Variants in ACLY observed in about 807,000 individuals in gnomAD.
ACLY encodes the protein ATP citrate lyase.
A neutral mutation model predicts 133.0 loss-of-function variants in ACLY; 41 were observed. The observed-to-expected ratio is 0.31, with a 90% CI of 0.24 to 0.40. ACLY has a LOEUF of 0.40. Among genes scored for constraint, ACLY ranks in the 10% least tolerant of loss-of-function variants. The probability of loss-of-function intolerance (pLI) is 1.00; values close to 1 mark genes in which losing one functional copy is unlikely to be tolerated. For missense variants in ACLY, 1,046 were observed against 1,453.8 expected, an observed-to-expected ratio of 0.72 and a Z score of 4.56; for synonymous variants, 495 against 549.3, an observed-to-expected ratio of 0.90 and a Z score of 1.38.
chr17:41,879,340 A>G, intron 20 of ACLY, among the ~76,000 whole-genome samples: 1 of 150,710 alleles, frequency 6.6e-6, no homozygotes, highest in East Asian at 2.0e-4. Flanking sequence ...TCCTAACCTC[A>G]GGTGATCCAC....
intron 1 of ACLY, among the ~76,000 whole-genome samples, chr17:41,917,884 TCA>T (rs2050093672): frequency 6.6e-6 from 1 of 152,084 alleles, no homozygotes; most frequent in Non-Finnish European, 1.5e-5. Context: ...CAGCTGTCCC[TCA>T]CCCCACATTT....
At chr17:41,884,358 T>G in intron 18 of ACLY, 84 bp from the exon 19 acceptor site, 1 of 871,610 alleles carries the variant, frequency 1.1e-6, no homozygotes, top group Non-Finnish European at 1.9e-6. Flanking sequence ...ACACTTGTAC[T>G]GGGTACACTG....
intron 7 of ACLY, 121 bp downstream of exon 7, chr17:41,907,321 T>C: frequency 1.3e-6 from 1 of 746,206 alleles, no homozygotes; most frequent in Non-Finnish European, 2.1e-6. Context: ...TAAATGCTTC[T>C]CAGTCTTCCT....
intron 14 of ACLY, among the ~76,000 whole-genome samples, chr17:41,893,941 T>A (rs1367098951): frequency 6.6e-6 from 1 of 152,102 alleles, no homozygotes; most frequent in Non-Finnish European, 1.5e-5. Context: ...AGGTCAGGTG[T>A]GGTGGCTCAC....
At chr17:41,877,068 T>A (rs2048779722) in intron 22 of ACLY, among the ~76,000 whole-genome samples, 2 of 152,172 alleles carry the variant, frequency 1.3e-5, no homozygotes, top group Admixed American at 1.3e-4. Flanking sequence ...AATTATCCTC[T>A]ATGAATTTTT....
At chr17:41,915,207 T>C (rs1366258310) in intron 1 of ACLY, among the ~76,000 whole-genome samples, 1 of 152,036 alleles carries the variant, frequency 6.6e-6, no homozygotes, top group East Asian at 1.9e-4. Flanking sequence ...CATTCTCCTG[T>C]GGGTAACTCA....
intron 21 of ACLY, among the ~76,000 whole-genome samples, 188 bp from the exon 22 acceptor site, chr17:41,878,384 C>A (rs942841801): frequency 6.6e-6 from 1 of 152,136 alleles, no homozygotes; most frequent in Non-Finnish European, 1.5e-5. Context: ...CTCCCTACTA[C>A]CTCATGTCCC....
chr17:41,916,378 G>T (rs902959016), intron 1 of ACLY, among the ~76,000 whole-genome samples: 42 of 141,164 alleles, frequency 3.0e-4, no homozygotes, highest in South Asian at 6.9e-4. Context: ...GTTTTGTTTT[G>T]TTTTTTTTTT....
At chr17:41,894,610 C>T (rs576256038) in intron 14 of ACLY, among the ~76,000 whole-genome samples, 3 of 151,276 alleles carry the variant, frequency 2.0e-5, no homozygotes, top group African/African-American at 4.9e-5. Flanking sequence ...ACGCATTGCA[C>T]GCCTGTACCA....
rs782719940 is a variant in ACLY, at chr17:41,901,821, C to A, written c.1066-8G>T. On this transcript the variant is annotated splice_region_variant and splice_polypyrimidine_tract_variant and intron_variant, in intron 10 of 28. Transcript: ENST00000352035. ...AATTGCTCTCACGATGCCCTGGAAG[C>A]CCAAAGTGACATGTGACTAAAAACA... 6.4e-7 allele frequency: 1 copy of A among 1,552,342 alleles called. No individual in the cohort carries two copies. The highest frequency in any genetic ancestry group is 8.7e-7 in the Non-Finnish European group (1 of 1,145,402).
chr17:41,894,216 CAAAAA>C (rs58375126), intron 14 of ACLY, among the ~76,000 whole-genome samples: 1 of 102,684 alleles, frequency 9.7e-6, no homozygotes. Flanking sequence ...GACTCCATCT[CAAAAA>C]AAAAAAAAAA....
Position 41,869,530 on chromosome 17 carries a change from G to A in ACLY, c.2995C>T (p.Pro999Ser). ...ILKDYVRQHF[P>S]ATPLLDYALE... Reference sequence around the variant, plus strand: ...GCATAATCGAGCAGAGGAGTGGCAGGGAAGTGCTGCCTGACGTAATCTTTG... The same window carrying A: ...GCATAATCGAGCAGAGGAGTGGCAGAGAAGTGCTGCCTGACGTAATCTTTG... Residue 999 changes from proline (P) to serine (S), a missense_variant, in exon 26 of 29, where the codon CCT (proline) becomes TCT (serine). Coordinates refer to ENST00000352035, the MANE Select transcript of ACLY (RefSeq NM_001096.3). 1.2e-6 allele frequency: 2 copies of A among 1,614,142 alleles called. No homozygotes were observed. The highest frequency in any genetic ancestry group is 1.7e-6 in the Non-Finnish European group (2 of 1,180,032).
chr17:41,901,861 CAAT>C (rs782491783), intron 10 of ACLY, 48 bp from the exon 11 acceptor site: 2 of 1,400,266 alleles, frequency 1.4e-6, no homozygotes, highest in African/African-American at 2.9e-5. Flanking sequence ...AGCCACAAGT[CAAT>C]GATTTATAAC....
At position 41,893,161 on chromosome 17, in the gene ACLY, G is replaced by A; in HGVS notation, c.1473C>T (p.Thr491=). 6.2e-7 allele frequency: 1 copy of A among 1,613,110 alleles called. No homozygotes were observed. Among genetic ancestry groups the A allele is most frequent in the Non-Finnish European group, 8.5e-7 (1 of 1,179,426 alleles). The change falls in exon 15 of 29, where the codon ACC becomes ACT. Residue 491 remains threonine (T), a synonymous_variant. Transcript: ENST00000352035. ...TGGCCTTGGTGTGGCGGCTGAAGAG[G>A]GTGGTGCTCTTTCCTGGTGGGCAAA... ...SPRSLQGKST[T]LFSRHTKAIV...
intron 2 of ACLY, among the ~76,000 whole-genome samples, chr17:41,912,963 C>A (rs953226058): frequency 6.6e-6 from 1 of 152,158 alleles, no homozygotes; most frequent in Non-Finnish European, 1.5e-5. Context: ...CTGGTCAACC[C>A]CATCCCTGTG....
intron 1 of ACLY, among the ~76,000 whole-genome samples, chr17:41,915,000 C>T (rs898674131): frequency 6.6e-6 from 1 of 152,120 alleles, no homozygotes; most frequent in Non-Finnish European, 1.5e-5. Flanking sequence ...GCCCAAGAAG[C>T]CCACCTAATA....
Position 41,909,550 on chromosome 17 carries a change from T to C in ACLY, c.496A>G (p.Lys166Glu), listed in dbSNP as rs2049833050. Residue 166 changes from lysine (K) to glutamate (E), a missense_variant, in exon 5 of 29, where the codon AAA (lysine) becomes GAA (glutamate). Lys to Glu is a moderately conservative substitution (Grantham distance 56). Around this residue, in one of 4 missense-constraint regions of ACLY, gnomAD observed 227 missense variants for 245.6 expected, o/e 0.92. Transcript: ENST00000352035. ...GGGGCGTGGACCAACAGGTGTTTTTTGATGTCCTCAGGATTCAGTTTCTCA... is the reference window on the plus strand; with the variant it reads ...GGGGCGTGGACCAACAGGTGTTTTTCGATGTCCTCAGGATTCAGTTTCTCA... ...VDEKLNPEDI[K>E]KHLLVHAPED... 6.2e-7 allele frequency: 1 copy of C among 1,614,206 alleles called. No homozygotes were observed. The highest frequency in any genetic ancestry group is 1.7e-5 in the Admixed American group (1 of 60,018).
At chr17:41,903,416 T>G (rs995075888) in intron 10 of ACLY, among the ~76,000 whole-genome samples, 2 of 152,080 alleles carry the variant, frequency 1.3e-5, no homozygotes, top group Non-Finnish European at 2.9e-5. Flanking sequence ...CAAAGCACTT[T>G]CTTCATTCCA....
At chr17:41,883,522 A>T (rs1238444604) in intron 19 of ACLY, among the ~76,000 whole-genome samples, 3 of 149,806 alleles carry the variant, frequency 2.0e-5, no homozygotes, top group East Asian at 2.0e-4. Flanking sequence ...TATTTAGAAA[A>T]TTTTTTTTAA....
Sources: allele counts gnomAD v4.1 joint callset (sites outside exome capture counted in the v4.1 genomes callset), GRCh38; gene constraint gnomAD v4.1.1; regional missense constraint gnomAD v4.1.1; transcripts MANE v1.5; gene names NCBI Gene and HGNC (gene_info 2026-07-23, HGNC 2026-07-21).